The following FRRS1 variants were observed in gnomAD, a reference collection of about 807,000 sequenced individuals.
FRRS1 encodes the protein ferric chelate reductase 1, also known as ferric reductase 1.
A neutral mutation model predicts 70.7 loss-of-function variants in FRRS1; 51 were observed. The ratio of observed to expected loss-of-function variants is 0.72; its 90% CI spans 0.58 to 0.91. The LOEUF (loss-of-function observed/expected upper bound fraction) is 0.91, where lower values mean the gene tolerates loss of function less well. Ranked by LOEUF, FRRS1 falls within the 40% of genes least tolerant of loss-of-function variation. FRRS1 has a pLI of 0.00. For synonymous variants in FRRS1, 225 were observed against 238.7 expected, an observed-to-expected ratio of 0.94 and a Z score of 0.53; for missense variants, 672 against 726.0, an observed-to-expected ratio of 0.93 and a Z score of 0.86.
At chr1:99,719,867 A>G (rs913513117) in intron 9 of FRRS1, among the ~76,000 whole-genome samples, 1 of 152,218 alleles carries the variant, frequency 6.6e-6, no homozygotes, top group Admixed American at 6.5e-5. Context: ...CAACCAAGAG[A>G]TGAATTAAAA....
intron 1 of FRRS1, among the ~76,000 whole-genome samples, chr1:99,751,907 C>T (rs1656586498): frequency 6.6e-6 from 1 of 152,094 alleles, no homozygotes; most frequent in Non-Finnish European, 1.5e-5. Flanking sequence ...AATAATAATA[C>T]ATATAATTAT....
intron 1 of FRRS1, among the ~76,000 whole-genome samples, chr1:99,762,397 G>T (rs1179842008): frequency 6.6e-6 from 1 of 151,566 alleles, no homozygotes; most frequent in African/African-American, 2.4e-5. Flanking sequence ...ATTAAGTCTG[G>T]TTCCTCTTTT....
chr1:99,717,669 A>T (rs1441541209), intron 10 of FRRS1, 144 bp from the exon 11 acceptor site: 1 of 620,730 alleles, frequency 1.6e-6, no homozygotes, highest in South Asian at 1.9e-5. Context: ...GATGCTATAC[A>T]TTATAGTTTT....
chr1:99,712,190 T>A, intron 13 of FRRS1, 27 bp from the exon 14 acceptor site: 2 of 1,513,320 alleles, frequency 1.3e-6, no homozygotes, highest in Non-Finnish European at 1.8e-6. Flanking sequence ...CAGTCAGTAT[T>A]CTTAAAAGCA....
chr1:99,723,122 A>G (rs1244188130), intron 9 of FRRS1, among the ~76,000 whole-genome samples: 3 of 152,206 alleles, frequency 2.0e-5, no homozygotes, highest in Middle Eastern at 3.2e-3. Context: ...GTAGAAAACC[A>G]TAAAATTTCA....
intron 1 of FRRS1, among the ~76,000 whole-genome samples, chr1:99,749,953 T>C (rs1469632764): frequency 6.6e-6 from 1 of 152,238 alleles, no homozygotes; most frequent in Non-Finnish European, 1.5e-5. Context: ...TTATTATTTA[T>C]AGAAAAGGAG....
intron 9 of FRRS1, among the ~76,000 whole-genome samples, chr1:99,721,654 A>G (rs1654831809): frequency 6.7e-6 from 1 of 149,984 alleles, no homozygotes; most frequent in Admixed American, 6.7e-5. Flanking sequence ...GCTGGAGTGC[A>G]GTGGCACGAT....
chr1:99,765,585 G>A (rs769178880), intron 1 of FRRS1: 1 of 138,898 alleles, frequency 7.2e-6, no homozygotes, highest in Non-Finnish European at 1.5e-5. Flanking sequence ...TGGGCCACAA[G>A]AGCAACACTC....
intron 9 of FRRS1, among the ~76,000 whole-genome samples, chr1:99,726,962 G>T (rs1397097406): frequency 6.6e-6 from 1 of 152,156 alleles, no homozygotes; most frequent in East Asian, 1.9e-4. Context: ...CAATCCACCT[G>T]TCTGGATCTT....
chr1:99,739,242 C>A (rs1400755722), intron 6 of FRRS1, among the ~76,000 whole-genome samples: 1 of 152,162 alleles, frequency 6.6e-6, no homozygotes, highest in African/African-American at 2.4e-5. Context: ...ATGCTATAAA[C>A]CTTTGACTCT....
chr1:99,730,649 C>T lies in FRRS1; in HGVS notation c.760-901G>A, dbSNP rs575413378. ...TTGGGAGGCCAAGGCGGGCAGATCA[C>T]GAGGTCAGGAGATCCAGACCATCCT... On this transcript the variant is annotated intron_variant, in intron 7 of 16. Transcript: ENST00000646001. 5.9e-5 allele frequency among the ~76,000 whole-genome samples: 9 copies of T among 152,164 alleles called. No homozygotes were observed. The East Asian group carries it at 1.5e-3, about 26-fold the overall frequency.
intron 6 of FRRS1, among the ~76,000 whole-genome samples, chr1:99,740,101 C>T (rs1390855664): frequency 6.6e-6 from 1 of 152,208 alleles, no homozygotes; most frequent in East Asian, 1.9e-4. Flanking sequence ...CTAGGACTCT[C>T]TGACCTTAAT....
intron 7 of FRRS1, 59 bp from the exon 8 acceptor site, chr1:99,729,807 T>C: frequency 8.5e-7 from 1 of 1,176,694 alleles, no homozygotes; most frequent in Non-Finnish European, 1.2e-6. Context: ...TTTTATTTTC[T>C]CTTTTTAAAA....
intron 1 of FRRS1, among the ~76,000 whole-genome samples, chr1:99,749,798 A>G (rs1423923682): frequency 6.6e-6 from 1 of 152,208 alleles, no homozygotes; most frequent in African/African-American, 2.4e-5. Context: ...GCCCAGATCA[A>G]CCACTTTGCT....
intron 7 of FRRS1, among the ~76,000 whole-genome samples, chr1:99,737,473 T>C (rs1655729660): frequency 2.6e-5 from 4 of 152,222 alleles, no homozygotes; most frequent in Admixed American, 2.0e-4. Flanking sequence ...AACATGACAT[T>C]TTATGCAGAA....
intron 1 of FRRS1, among the ~76,000 whole-genome samples, chr1:99,751,184 C>T (rs922818331): frequency 6.6e-6 from 1 of 152,098 alleles, no homozygotes; most frequent in Non-Finnish European, 1.5e-5. Flanking sequence ...GTCCTGGGGC[C>T]TTAAAACCAC....
chr1:99,750,830 T>C (rs1353611991), intron 1 of FRRS1, among the ~76,000 whole-genome samples: 1 of 152,056 alleles, frequency 6.6e-6, no homozygotes, highest in African/African-American at 2.4e-5. Flanking sequence ...CCCCAAACTA[T>C]TATCAGACAC....
intron 6 of FRRS1, among the ~76,000 whole-genome samples, chr1:99,739,823 C>A (rs1433607719): frequency 2.6e-5 from 4 of 151,788 alleles, no homozygotes; most frequent in African/African-American, 9.7e-5. Context: ...GAAAATTAGG[C>A]AAGTCAGTAT....
At chr1:99,756,366 G>A (rs575423899) in intron 1 of FRRS1, among the ~76,000 whole-genome samples, 1 of 152,248 alleles carries the variant, frequency 6.6e-6, no homozygotes, top group Middle Eastern at 3.4e-3. Flanking sequence ...TTTCTTACCT[G>A]AAAGACAAGT....
Sources: gnomAD v4.1 joint callset for allele counts (sites outside exome capture counted in the v4.1 genomes callset) on GRCh38, gnomAD v4.1.1 for gene constraint, MANE v1.5 for transcripts, NCBI Gene and HGNC (gene_info 2026-07-23, HGNC 2026-07-21) for gene names.